MRPL58: variants seen among roughly 807,000 people sequenced by gnomAD.
MRPL58 encodes the protein large ribosomal subunit protein mL62.
A neutral mutation model predicts 26.0 loss-of-function variants in MRPL58; 17 were observed. The ratio of observed to expected loss-of-function variants is 0.65; its 90% CI spans 0.45 to 0.98. The LOEUF (loss-of-function observed/expected upper bound fraction) is 0.98. Ranked by LOEUF, MRPL58 falls within the 50% of genes least tolerant of loss-of-function variation. The pLI, the probability that MRPL58 is intolerant of heterozygous loss-of-function variation, is 0.00. For missense variants in MRPL58, 250 were observed against 269.0 expected (o/e 0.93, Z 0.49); for synonymous variants, 100 against 99.7 (o/e 1.00, Z -0.02).
chr17:75,014,731 G>A (rs2039961062), intron 1 of MRPL58, among the ~76,000 whole-genome samples: 3 of 152,006 alleles, frequency 2.0e-5, no homozygotes, highest in Admixed American at 2.0e-4. Flanking sequence ...ACAGGCGTGA[G>A]CCACCATGCC....
intron 1 of MRPL58, among the ~76,000 whole-genome samples, chr17:75,016,797 C>T (rs1469551642): frequency 6.6e-6 from 1 of 152,192 alleles, no homozygotes; most frequent in Admixed American, 6.5e-5. Flanking sequence ...CTCCCCCTCC[C>T]GCTGGAGCCA....
chr17:75,013,964 CAGAG>C (rs1326524689), intron 1 of MRPL58, among the ~76,000 whole-genome samples: 3 of 152,122 alleles, frequency 2.0e-5, no homozygotes, highest in East Asian at 3.9e-4. Context: ...AAGGATCACT[CAGAG>C]AGCCTTACAG....
chr17:75,015,132 T>A (rs1425287861), intron 1 of MRPL58, among the ~76,000 whole-genome samples: 1 of 152,132 alleles, frequency 6.6e-6, no homozygotes, highest in East Asian at 1.9e-4. Flanking sequence ...CAGTTGGGTA[T>A]ATGGGTGTGG....
intron 1 of MRPL58, among the ~76,000 whole-genome samples, chr17:75,016,008 C>T (rs2039971078): frequency 6.6e-6 from 1 of 151,730 alleles, no homozygotes; most frequent in Non-Finnish European, 1.5e-5. Flanking sequence ...TGGTCTCCAA[C>T]TCCTGACTTG....
chr17:75,021,092 T>C lies in MRPL58; in HGVS notation c.*87T>C. Reference sequence around the variant, plus strand: ...TTTCACACCATAAGGAGATTTCTGTTTTTCTTTTTGGCTGTTAATGCTTGT... The same window carrying C: ...TTTCACACCATAAGGAGATTTCTGTCTTTCTTTTTGGCTGTTAATGCTTGT... On this transcript the variant is annotated 3_prime_UTR_variant, in exon 6 of 6. Transcript: ENST00000301585. 1.1e-6 allele frequency: 1 copy of C among 873,990 alleles called. No individual in the cohort carries two copies. Among genetic ancestry groups the C allele is most frequent in the Middle Eastern group, 2.4e-4 (1 of 4,230 alleles). The allele number at this position is 873,990 out of a possible 1,614,324, so 54.1% of individuals were successfully genotyped here.
intron 3 of MRPL58, 149 bp from the exon 4 acceptor site, chr17:75,020,164 C>A: frequency 1.5e-6 from 1 of 653,080 alleles, no homozygotes; most frequent in Non-Finnish European, 2.7e-6. Flanking sequence ...TCTTTGCGGG[C>A]TTGTTCATAG....
At chr17:75,019,244 C>G (rs2039997192) in intron 2 of MRPL58, among the ~76,000 whole-genome samples, 1 of 152,074 alleles carries the variant, frequency 6.6e-6, no homozygotes, top group Non-Finnish European at 1.5e-5. Context: ...GTGACAGCCT[C>G]CTAGGGGGAG....
At position 75,018,963 on chromosome 17, in the gene MRPL58, T is replaced by G. The variant is rs141647981; in HGVS notation, c.224-737T>G. 2.1e-3 allele frequency among the ~76,000 whole-genome samples: 321 copies of G among 152,128 alleles called. 6 individuals carry two copies. The South Asian group carries it at 0.022, about 11-fold the overall frequency. On this transcript the variant is annotated intron_variant, in intron 2 of 5. Transcript: ENST00000301585. ...AATACCATGCTGCAGTGAAGCAGTT[T>G]TGTAGCTTGAAGCTGTGCCCGCCTG...
chr17:75,020,793 A>T, intron 5 of MRPL58, 128 bp from the exon 6 acceptor site: 1 of 1,223,478 alleles, frequency 8.2e-7, no homozygotes, highest in Non-Finnish European at 1.2e-6. Context: ...CTGACCTGGG[A>T]CCGAGGCCTG....
intron 5 of MRPL58, 81 bp from the exon 6 acceptor site, chr17:75,020,840 C>T (rs868139845): frequency 7.0e-6 from 9 of 1,287,422 alleles, no homozygotes; most frequent in African/African-American, 1.5e-5. Context: ...CTCGGCTTCC[C>T]GTTGAGCTCC....
Position 75,019,614 on chromosome 17 carries a change from T to G in MRPL58, c.224-86T>G. ...TTTGAAATTTTCCCAATATAATACC[T>G]TCCCTACATTCCTCAGACACAACAA... On this transcript the variant is annotated intron_variant, in intron 2 of 5. Transcript: ENST00000301585. 3 of 1,310,090 alleles carry G rather than the reference T, an allele frequency of 2.3e-6. No homozygotes were observed. The East Asian group carries it at 7.0e-5, about 31-fold the overall frequency. The allele number at this position is 1,310,090 out of a possible 1,614,324, so 81.2% of individuals were successfully genotyped here.
chr17:75,015,354 C>T (rs1031089153), intron 1 of MRPL58, among the ~76,000 whole-genome samples: 3 of 152,280 alleles, frequency 2.0e-5, no homozygotes, highest in African/African-American at 7.2e-5. Context: ...CGTGGTGGCA[C>T]ACGCCTGTAG....
intron 2 of MRPL58, among the ~76,000 whole-genome samples, chr17:75,019,036 G>A (rs563824222): frequency 5.3e-5 from 8 of 152,060 alleles, no homozygotes; most frequent in South Asian, 4.2e-4. Context: ...CCTTGAGCCC[G>A]GGATGTTCGC....
chr17:75,019,430 G>A (rs184968402), intron 2 of MRPL58, among the ~76,000 whole-genome samples: 5 of 152,292 alleles, frequency 3.3e-5, no homozygotes, highest in Non-Finnish European at 7.4e-5. Context: ...GCAGTGGCAC[G>A]TGTACTTGTT....
intron 1 of MRPL58, among the ~76,000 whole-genome samples, chr17:75,013,379 C>T (rs2039948445): frequency 6.6e-6 from 1 of 152,188 alleles, no homozygotes; most frequent in South Asian, 2.1e-4. Context: ...CCACCCAAAC[C>T]CATTGAGCTT....
chr17:75,014,142 G>A (rs866335294), intron 1 of MRPL58, among the ~76,000 whole-genome samples: 1 of 149,900 alleles, frequency 6.7e-6, no homozygotes, highest in Non-Finnish European at 1.5e-5. Context: ...GATTGGATGT[G>A]AGAAGTGAGA....
At position 75,020,606 on chromosome 17, in the gene MRPL58, G is replaced by A; in HGVS notation, c.485G>A (p.Ser162Asn). The A allele has an allele frequency of 6.2e-7, 1 of 1,614,158 alleles. No homozygotes were observed. Residue 162 changes from serine (S) to asparagine (N), a missense_variant, in exon 5 of 6, where the codon AGC becomes AAC. Transcript: ENST00000301585. ...QKIRDMITEA[S>N]QTPKEPTKED... is the part of the protein sequence containing the mutation. ...ATTCGAGACATGATCACTGAGGCCAGCCAGACACCGAAGGAGCCAACAAAA... is the reference window on the plus strand; with the variant it reads ...ATTCGAGACATGATCACTGAGGCCAACCAGACACCGAAGGAGCCAACAAAA...
chr17:75,015,915 A>G (rs1230231674), intron 1 of MRPL58, among the ~76,000 whole-genome samples: 5 of 150,184 alleles, frequency 3.3e-5, no homozygotes, highest in South Asian at 2.1e-4. Flanking sequence ...CTCCCCCAGT[A>G]GCTAGGATTA....
At chr17:75,015,919 A>G (rs1264165966) in intron 1 of MRPL58, among the ~76,000 whole-genome samples, 2 of 150,094 alleles carry the variant, frequency 1.3e-5, no homozygotes, top group African/African-American at 4.9e-5. Context: ...CCCAGTAGCT[A>G]GGATTACAGG....
Sources: gnomAD v4.1 joint callset for allele counts (sites outside exome capture counted in the v4.1 genomes callset) on GRCh38, gnomAD v4.1.1 for gene constraint, MANE v1.5 for transcripts, NCBI Gene and HGNC (gene_info 2026-07-23, HGNC 2026-07-21) for gene names.